Variants in PPP3CC observed in about 807,000 individuals in gnomAD.
PPP3CC encodes serine/threonine-protein phosphatase 2B catalytic subunit gamma isoform.
In PPP3CC, 35 loss-of-function variants were observed where a neutral mutation model predicts 60.3. The ratio of observed to expected loss-of-function variants is 0.58; its 90% CI spans 0.44 to 0.77. The LOEUF (loss-of-function observed/expected upper bound fraction) is 0.77, where lower values mean the gene tolerates loss of function less well. Ranked by LOEUF, PPP3CC falls within the 30% of genes least tolerant of loss-of-function variation. PPP3CC has a pLI of 0.00. For missense variants in PPP3CC, 570 were observed against 628.9 expected (o/e 0.91, Z 1.00); for synonymous variants, 206 against 224.3 (o/e 0.92, Z 0.73).
At chr8:22,501,396 G>T (rs1838757469) in intron 4 of PPP3CC, among the ~76,000 whole-genome samples, 1 of 152,184 alleles carries the variant, frequency 6.6e-6, no homozygotes, top group Non-Finnish European at 1.5e-5. Flanking sequence ...CCACAGTGTG[G>T]CTAGATTCTC....
chr8:22,481,737 C>A (rs1474566164), intron 3 of PPP3CC, among the ~76,000 whole-genome samples: 2 of 151,964 alleles, frequency 1.3e-5, no homozygotes. Context: ...TGTTCCCCTC[C>A]CTGTGTTCTC....
At chr8:22,513,684 G>A (rs78285190) in intron 6 of PPP3CC, among the ~76,000 whole-genome samples, 1 of 152,014 alleles carries the variant, frequency 6.6e-6, no homozygotes, top group South Asian at 2.1e-4. Flanking sequence ...CTGACTCTAA[G>A]TGATCTAGAC....
chr8:22,481,418 A>G (rs1189585454), intron 3 of PPP3CC, among the ~76,000 whole-genome samples: 1 of 150,702 alleles, frequency 6.6e-6, no homozygotes, highest in African/African-American at 2.4e-5. Flanking sequence ...AAGATTTCCA[A>G]AGTAATACAG....
intron 3 of PPP3CC, chr8:22,492,885 G>A (rs1586830185): frequency 8.8e-7 from 1 of 1,133,746 alleles, no homozygotes; most frequent in East Asian, 2.3e-5. Context: ...AGGCCATGCT[G>A]AGACAAAGCA....
intron 12 of PPP3CC, 53 bp downstream of exon 12, chr8:22,533,071 C>T: frequency 1.5e-6 from 2 of 1,327,438 alleles, no homozygotes; most frequent in African/African-American, 1.5e-5. Flanking sequence ...ACCTAACAGT[C>T]AGCACACACT....
intron 4 of PPP3CC, among the ~76,000 whole-genome samples, chr8:22,499,325 G>A (rs1354873822): frequency 1.3e-5 from 2 of 151,054 alleles, no homozygotes; most frequent in African/African-American, 4.9e-5. Flanking sequence ...TGTAGTCCCA[G>A]CTACTCGGGA....
chr8:22,513,546 T>C, intron 6 of PPP3CC, 114 bp downstream of exon 6: 1 of 1,208,172 alleles, frequency 8.3e-7, no homozygotes, highest in Non-Finnish European at 1.1e-6. Flanking sequence ...TCCTGTTTAA[T>C]TTTTCGATTA....
At chr8:22,487,236 A>G (rs951097981) in intron 3 of PPP3CC, among the ~76,000 whole-genome samples, 1 of 152,206 alleles carries the variant, frequency 6.6e-6, no homozygotes, top group Non-Finnish European at 1.5e-5. Flanking sequence ...ATCAAAGAGT[A>G]GAACATTTTT....
intron 1 of PPP3CC, among the ~76,000 whole-genome samples, chr8:22,447,462 G>A (rs959940710): frequency 4.0e-5 from 6 of 151,856 alleles, no homozygotes; most frequent in Admixed American, 3.3e-4. Context: ...GATTACAGGC[G>A]TGAGCCACCG....
rs549982791 is a variant in PPP3CC at position 22,448,498 on chromosome 8, G to T, written c.49+7040G>T. Among the ~76,000 whole-genome samples, 4 of 151,226 alleles carry T rather than the reference G, an allele frequency of 2.6e-5. No homozygotes were observed. The South Asian group carries it at 8.4e-4, about 32-fold the overall frequency. On this transcript the variant is annotated intron_variant, in intron 1 of 13. Transcript: ENST00000240139. ...GGGTTCAAGCGATTCTCCTGCCTCA[G>T]CCTCCCGAGTAGCTGGGATTACAGG...
At chr8:22,457,916 A>AC (rs1425903280) in intron 1 of PPP3CC, among the ~76,000 whole-genome samples, 1 of 151,776 alleles carries the variant, frequency 6.6e-6, no homozygotes, top group Non-Finnish European at 1.5e-5. Flanking sequence ...ACACGGTGAA[A>AC]CCCCGTCTCT....
At chr8:22,442,252 C>G (rs946784014) in intron 1 of PPP3CC, among the ~76,000 whole-genome samples, 5 of 152,340 alleles carry the variant, frequency 3.3e-5, no homozygotes, top group Middle Eastern at 3.4e-3. Context: ...TTAGGCACAA[C>G]CCTTCTCTCT....
chr8:22,441,375 C>T lies in PPP3CC; in HGVS notation c.-35C>T, dbSNP rs1586771449. ...GGCCGCGGCGTAGGCGCACGTCCGG[C>T]GGGCTCCTGGAGCCTGGAGGAGGCC... On this transcript the variant is annotated 5_prime_UTR_variant, in exon 1 of 14. Coordinates refer to ENST00000240139, the MANE Select transcript of PPP3CC (RefSeq NM_005605.5). 3 of 1,516,868 alleles carry T rather than the reference C, an allele frequency of 2.0e-6. No homozygotes were observed. The highest frequency in any genetic ancestry group is 2.7e-5 in the East Asian group (1 of 37,508). 94.0% of individuals were successfully genotyped at this position (1,516,868 alleles called of 1,614,324 possible). A position where few individuals can be genotyped will look rare whatever the true frequency, so the allele number is the denominator to read the frequency against.
rs1837239702 is a variant in PPP3CC, at chr8:22,457,517, A to T, written c.49+16059A>T. Among the ~76,000 whole-genome samples the T allele has an allele frequency of 2.0e-5, 3 of 151,824 alleles. No homozygotes were observed. In the South Asian group the frequency reaches 6.2e-4, roughly 32 times the overall value. The stretch of plus-strand genomic sequence containing the variant: ...TAGGGAGGGTTTCACGATGTTGGCC[A>T]GGCTGCTCTTGAACTCCAGGCCTCA... On this transcript the variant is annotated intron_variant, in intron 1 of 13. Coordinates refer to ENST00000240139, the MANE Select transcript of PPP3CC (RefSeq NM_005605.5).
chr8:22,450,465 C>T (rs970817691), intron 1 of PPP3CC, among the ~76,000 whole-genome samples: 5 of 152,200 alleles, frequency 3.3e-5, no homozygotes, highest in Non-Finnish European at 7.3e-5. Context: ...AGGCCAGACT[C>T]TTTCTTCTCC....
intron 8 of PPP3CC, among the ~76,000 whole-genome samples, chr8:22,525,961 G>A (rs949946716): frequency 2.0e-5 from 3 of 150,994 alleles, no homozygotes; most frequent in Non-Finnish European, 4.4e-5. Flanking sequence ...TCTGCCTCCC[G>A]GGTTCAAGCA....
At chr8:22,530,809 C>T (rs1162725405) in intron 10 of PPP3CC, among the ~76,000 whole-genome samples, 12 of 108,524 alleles carry the variant, frequency 1.1e-4, no homozygotes, top group Non-Finnish European at 1.5e-4. Flanking sequence ...TCCAGCCTGG[C>T]GACAGAGCGA....
intron 10 of PPP3CC, among the ~76,000 whole-genome samples, chr8:22,530,962 G>A (rs931551056): frequency 6.1e-5 from 9 of 148,574 alleles, no homozygotes; most frequent in Non-Finnish European, 1.3e-4. Context: ...CTCCGTTTTT[G>A]TTCCTTGTTT....
At chr8:22,444,800 A>C (rs9785089) in intron 1 of PPP3CC, among the ~76,000 whole-genome samples, 4 of 152,152 alleles carry the variant, frequency 2.6e-5, no homozygotes, top group African/African-American at 7.2e-5. Flanking sequence ...ACTGGTATCT[A>C]AGCCAGAGAA....
Sources: gnomAD v4.1 joint callset for allele counts (sites outside exome capture counted in the v4.1 genomes callset) on GRCh38, gnomAD v4.1.1 for gene constraint, MANE v1.5 for transcripts, NCBI Gene and HGNC (gene_info 2026-07-23, HGNC 2026-07-21) for gene names.